The following KIAA1217 variants were observed in gnomAD, a reference collection of about 807,000 sequenced individuals.
KIAA1217 encodes the protein KIAA1217, also known as sickle tail protein homolog.
In KIAA1217, 88 loss-of-function variants were observed where a neutral mutation model predicts 163.9. That is an observed-to-expected ratio of 0.54 (90% CI 0.45 to 0.64). The LOEUF (loss-of-function observed/expected upper bound fraction) is 0.64. Ranked by LOEUF, KIAA1217 falls within the 30% of genes least tolerant of loss-of-function variation. KIAA1217 has a pLI of 0.00. For missense variants in KIAA1217, 2,372 were observed against 2,475.0 expected (o/e 0.96, Z 0.88); for synonymous variants, 903 against 923.1 (o/e 0.98, Z 0.39).
At chr10:24,006,490 G>A (rs747119146) in intron 1 of KIAA1217, among the ~76,000 whole-genome samples, 13 of 152,154 alleles carry the variant, frequency 8.5e-5, no homozygotes, top group Non-Finnish European at 1.8e-4. Context: ...AATCACTATA[G>A]TTTCCCACAG....
intron 2 of KIAA1217, among the ~76,000 whole-genome samples, chr10:24,189,200 G>A (rs1480047955): frequency 1.3e-5 from 2 of 152,028 alleles, no homozygotes; most frequent in African/African-American, 4.8e-5. Context: ...TCGTTGAGAG[G>A]AATACATGAT....
chr10:24,465,622 C>A (rs16924795), intron 5 of KIAA1217, among the ~76,000 whole-genome samples: 11,627 of 152,278 alleles, frequency 0.076, 628 homozygotes, highest in East Asian at 0.18. Flanking sequence ...GCTCAGAAAA[C>A]ATGATGGTAA....
At chr10:23,735,379 G>A (rs975010420) in intron 1 of KIAA1217, among the ~76,000 whole-genome samples, 1 of 151,938 alleles carries the variant, frequency 6.6e-6, no homozygotes, top group Admixed American at 6.6e-5. Flanking sequence ...ATTACAGAGT[G>A]GCATACCACT....
At chr10:23,963,233 T>C (rs1844894570) in intron 1 of KIAA1217, among the ~76,000 whole-genome samples, 1 of 152,134 alleles carries the variant, frequency 6.6e-6, no homozygotes, top group African/African-American at 2.4e-5. Flanking sequence ...ATCATCTACA[T>C]TAGGTATTTC....
At chr10:24,465,728 G>C (rs548351252) in intron 5 of KIAA1217, among the ~76,000 whole-genome samples, 1 of 152,308 alleles carries the variant, frequency 6.6e-6, no homozygotes, top group South Asian at 2.1e-4. Flanking sequence ...AGCTGCACAA[G>C]TCACTTCGTG....
chr10:23,704,760 A>G (rs1335687491), intron 1 of KIAA1217, among the ~76,000 whole-genome samples: 1 of 152,162 alleles, frequency 6.6e-6, no homozygotes, highest in African/African-American at 2.4e-5. Context: ...TAATGCTGCT[A>G]TAAAGACTAA....
chr10:24,100,929 T>C (rs960742269), intron 2 of KIAA1217, among the ~76,000 whole-genome samples: 1 of 152,160 alleles, frequency 6.6e-6, no homozygotes. Context: ...TAAAAATATA[T>C]AGAAAAAATA....
chr10:23,986,266 T>A (rs1845964630), intron 1 of KIAA1217, among the ~76,000 whole-genome samples: 1 of 152,212 alleles, frequency 6.6e-6, no homozygotes, highest in Non-Finnish European at 1.5e-5. Flanking sequence ...GACCATGAAT[T>A]GGAGACACTG....
chr10:23,764,486 A>G (rs1834415938), intron 1 of KIAA1217, among the ~76,000 whole-genome samples: 1 of 152,228 alleles, frequency 6.6e-6, no homozygotes, highest in East Asian at 1.9e-4. Context: ...CTATAAAGAC[A>G]CATGCTGCAT....
At chr10:24,132,082 G>T (rs996463306) in intron 2 of KIAA1217, among the ~76,000 whole-genome samples, 1 of 152,090 alleles carries the variant, frequency 6.6e-6, no homozygotes, top group East Asian at 1.9e-4. Context: ...TATTTTGAGG[G>T]CCCCCACCTT....
intron 2 of KIAA1217, among the ~76,000 whole-genome samples, chr10:24,014,573 A>G (rs1847389433): frequency 2.0e-5 from 3 of 152,178 alleles, no homozygotes; most frequent in Admixed American, 2.0e-4. Context: ...AATTTCCCAT[A>G]ATGCCATGTG....
At chr10:24,002,252 A>G (rs556999915) in intron 1 of KIAA1217, among the ~76,000 whole-genome samples, 1 of 152,288 alleles carries the variant, frequency 6.6e-6, no homozygotes, top group East Asian at 1.9e-4. Context: ...AGCAACTTCT[A>G]GTCAGGGCCA....
At chr10:24,227,958 C>A (rs141166136) in intron 2 of KIAA1217, among the ~76,000 whole-genome samples, 96 of 152,264 alleles carry the variant, frequency 6.3e-4, no homozygotes, top group African/African-American at 2.2e-3. Context: ...CCTCAACCAT[C>A]CCCTCCTTTG....
chr10:23,736,293 G>C (rs1176927558), intron 1 of KIAA1217, among the ~76,000 whole-genome samples: 3 of 152,128 alleles, frequency 2.0e-5, no homozygotes, highest in African/African-American at 7.2e-5. Context: ...TGGTGAGTGT[G>C]GTATGACACA....
In KIAA1217 at chr10:24,003,480, G is replaced by A. The variant is rs190965693; in HGVS notation, c.-320-3745G>A. On this transcript the variant is annotated intron_variant, in intron 1 of 18. Transcript: ENST00000376462. ...CTTCTTTTGAGAATTGTCTGTTCAT[G>A]TCCTTCAAATAGTATTTCTTTAACT... Among the ~76,000 whole-genome samples the A allele has an allele frequency of 4.4e-3, 669 of 152,016 alleles. 11 individuals carry two copies. The highest frequency in any genetic ancestry group is 0.015 in the African/African-American group (635 of 41,464).
intron 2 of KIAA1217, among the ~76,000 whole-genome samples, chr10:24,354,896 A>C (rs1216311137): frequency 6.6e-6 from 1 of 152,220 alleles, no homozygotes; most frequent in Non-Finnish European, 1.5e-5. Context: ...ATGGGTTTCC[A>C]GACTTGAGGG....
chr10:24,128,527 T>A (rs529802710), intron 2 of KIAA1217, among the ~76,000 whole-genome samples: 1 of 152,340 alleles, frequency 6.6e-6, no homozygotes, highest in South Asian at 2.1e-4. Context: ...GTTGATCCTG[T>A]CTGCTGATGC....
intron 1 of KIAA1217, among the ~76,000 whole-genome samples, chr10:23,739,893 T>C (rs758177533): frequency 1.8e-4 from 28 of 152,150 alleles, no homozygotes; most frequent in Non-Finnish European, 3.5e-4. Flanking sequence ...GCCAACATGA[T>C]TGGCTGAAAA....
rs143641023 is a variant in KIAA1217 at position 24,478,054 on chromosome 10, G to C, written c.1679+3994G>C. Among the ~76,000 whole-genome samples, 197 of 152,278 alleles carry C rather than the reference G, an allele frequency of 1.3e-3. 6 individuals carry two copies. The East Asian group carries it at 0.023, about 18-fold the overall frequency. ...AGAGTCTCAAGTGACATTTTACATC[G>C]AAGATGTGAAGCTGCAAAAACACCA... On this transcript the variant is annotated intron_variant, in intron 6 of 20. Transcript: ENST00000376454.
Sources: allele counts gnomAD v4.1 joint callset (sites outside exome capture counted in the v4.1 genomes callset), GRCh38; gene constraint gnomAD v4.1.1; transcripts MANE v1.5; gene names NCBI Gene and HGNC (gene_info 2026-07-23, HGNC 2026-07-21).